The following FER variants were observed in gnomAD, a reference collection of about 807,000 sequenced individuals.
The protein encoded by FER is FER tyrosine kinase.
In FER, 63 loss-of-function variants were observed where a neutral mutation model predicts 111.0. The observed-to-expected ratio is 0.57, with a 90% CI of 0.46 to 0.70. FER has a LOEUF of 0.70. Ranked by LOEUF, FER falls within the 30% of genes least tolerant of loss-of-function variation. The probability of loss-of-function intolerance (pLI) is 0.00; values close to 1 mark genes in which losing one functional copy is unlikely to be tolerated. For synonymous variants in FER, 327 were observed against 313.9 expected, an observed-to-expected ratio of 1.04 and a Z score of -0.44; for missense variants, 914 against 954.0, an observed-to-expected ratio of 0.96 and a Z score of 0.55.
intron 17 of FER, among the ~76,000 whole-genome samples, chr5:109,132,590 C>T (rs796848881): frequency 9.2e-5 from 14 of 152,236 alleles, no homozygotes; most frequent in African/African-American, 3.4e-4. Flanking sequence ...GACAGGAGAC[C>T]ATCAGGCCAA....
intron 5 of FER, among the ~76,000 whole-genome samples, chr5:108,837,340 T>A (rs1174896778): frequency 6.6e-6 from 1 of 152,220 alleles, no homozygotes; most frequent in Non-Finnish European, 1.5e-5. Context: ...GAACTCCAAG[T>A]CTCACTCTCT....
chr5:109,024,929 T>C (rs935973339), intron 13 of FER, among the ~76,000 whole-genome samples: 7 of 150,424 alleles, frequency 4.7e-5, no homozygotes, highest in African/African-American at 1.7e-4. Context: ...CAGATAGTTG[T>C]AGATATACGG....
intron 3 of FER, among the ~76,000 whole-genome samples, chr5:108,801,835 C>T (rs762769808): frequency 7.2e-5 from 11 of 152,156 alleles, no homozygotes; most frequent in Non-Finnish European, 1.5e-4. Context: ...ACTATCCTTG[C>T]AGTTTGGGGC....
intron 2 of FER, among the ~76,000 whole-genome samples, chr5:108,778,052 A>T (rs1485768580): frequency 6.6e-6 from 1 of 152,188 alleles, no homozygotes; most frequent in African/African-American, 2.4e-5. Context: ...TAATTGTGTC[A>T]TATATAGCCT....
At chr5:108,829,036 C>T (rs981892653) in intron 3 of FER, among the ~76,000 whole-genome samples, 6 of 152,206 alleles carry the variant, frequency 3.9e-5, no homozygotes, top group African/African-American at 1.2e-4. Context: ...GCTATATCTG[C>T]AACGTGCTAT....
intron 2 of FER, among the ~76,000 whole-genome samples, chr5:108,769,957 T>C (rs1752714455): frequency 6.7e-6 from 1 of 149,772 alleles, no homozygotes; most frequent in South Asian, 2.1e-4. Context: ...ATGATGATGA[T>C]TTTTTTTTGA....
At chr5:108,852,924 T>G (rs1762666856) in intron 5 of FER, among the ~76,000 whole-genome samples, 1 of 152,180 alleles carries the variant, frequency 6.6e-6, no homozygotes, top group Non-Finnish European at 1.5e-5. Context: ...TGCTATATGA[T>G]TCATTTATAT....
chr5:108,809,718 A>T (rs1757555605), intron 3 of FER, among the ~76,000 whole-genome samples: 1 of 152,128 alleles, frequency 6.6e-6, no homozygotes, highest in Non-Finnish European at 1.5e-5. Flanking sequence ...GTGGACCACC[A>T]TGCCTGGCTA....
chr5:108,798,223 T>C lies in FER; in HGVS notation c.41T>C (p.Val14Ala), dbSNP rs751077094. ...GACCTGAAGAATTCACATGAAGCAG[T>C]GTTAAAATTGCAAGACTGGGAATTA... is the stretch of plus-strand genomic sequence containing the variant. Reference protein sequence around the residue: ...GSDLKNSHEAVLKLQDWELRL... With the variant: ...GSDLKNSHEAALKLQDWELRL... Residue 14 changes from valine (V) to alanine (A), a missense_variant, in exon 3 of 20, where the codon GTG (valine) becomes GCG (alanine). Transcript: ENST00000281092. 1 of 1,613,966 alleles carries C rather than the reference T, an allele frequency of 6.2e-7. No homozygotes were observed. Among genetic ancestry groups the C allele is most frequent in the Non-Finnish European group, 8.5e-7 (1 of 1,180,014 alleles).
At chr5:108,945,869 TCTATATGAATTG>T (rs1368728473) in intron 10 of FER, among the ~76,000 whole-genome samples, 2 of 152,100 alleles carry the variant, frequency 1.3e-5, no homozygotes, top group Non-Finnish European at 2.9e-5. Context: ...CTGTATGAAT[TCTATATGAATTG>T]CTATATGAAT....
At chr5:108,952,982 A>G (rs1251712588) in intron 11 of FER, among the ~76,000 whole-genome samples, 1 of 152,090 alleles carries the variant, frequency 6.6e-6, no homozygotes, top group African/African-American at 2.4e-5. Flanking sequence ...TGTATTCAGT[A>G]ATAACTGTTG....
At chr5:108,842,018 T>A (rs1448744233) in intron 5 of FER, 1 of 170,216 alleles carries the variant, frequency 5.9e-6, no homozygotes, top group African/African-American at 2.4e-5. Flanking sequence ...GGAAATCTTG[T>A]TATATTATAG....
intron 9 of FER, among the ~76,000 whole-genome samples, chr5:108,883,907 T>A (rs963235422): frequency 2.0e-5 from 3 of 152,014 alleles, no homozygotes; most frequent in African/African-American, 7.2e-5. Flanking sequence ...GTCTCTACTC[T>A]GTTAAATGGA....
chr5:108,807,308 CAG>C (rs1757305276), intron 3 of FER, among the ~76,000 whole-genome samples: 1 of 152,168 alleles, frequency 6.6e-6, no homozygotes, highest in South Asian at 2.1e-4. Context: ...ATGTCTTTAT[CAG>C]CAGTGTGAAA....
intron 17 of FER, among the ~76,000 whole-genome samples, chr5:109,159,411 C>G (rs1267417244): frequency 6.6e-6 from 1 of 151,678 alleles, no homozygotes; most frequent in Non-Finnish European, 1.5e-5. Context: ...GCTAGAACTC[C>G]CACAGTAACC....
At chr5:108,857,945 C>T (rs1170649294) in intron 5 of FER, among the ~76,000 whole-genome samples, 1 of 152,160 alleles carries the variant, frequency 6.6e-6, no homozygotes, top group East Asian at 1.9e-4. Flanking sequence ...ACTTCAGGTT[C>T]CATTTCTCTA....
At chr5:109,121,090 T>G (rs1750906778) in intron 17 of FER, among the ~76,000 whole-genome samples, 1 of 152,110 alleles carries the variant, frequency 6.6e-6, no homozygotes, top group Non-Finnish European at 1.5e-5. Flanking sequence ...CTTTATTTCT[T>G]TCTCTTGTCT....
intron 10 of FER, among the ~76,000 whole-genome samples, chr5:108,930,705 C>T (rs1476577979): frequency 1.4e-5 from 2 of 146,808 alleles, no homozygotes; most frequent in Non-Finnish European, 3.0e-5. Flanking sequence ...CCTCTGTCTC[C>T]TGAGTTCAAA....
chr5:109,112,199 A>G (rs1269309384), intron 17 of FER, among the ~76,000 whole-genome samples: 1 of 152,144 alleles, frequency 6.6e-6, no homozygotes, highest in East Asian at 1.9e-4. Context: ...AGAAAACTAA[A>G]TGGCAGTTCA....
Sources: allele counts gnomAD v4.1 joint callset (sites outside exome capture counted in the v4.1 genomes callset), GRCh38; gene constraint gnomAD v4.1.1; transcripts MANE v1.5; gene names NCBI Gene and HGNC (gene_info 2026-07-23, HGNC 2026-07-21).